ADD1: variants seen among roughly 807,000 people sequenced by gnomAD.
The protein encoded by ADD1 is alpha-adducin.
In ADD1, 24 loss-of-function variants were observed where a neutral mutation model predicts 80.5. The observed-to-expected ratio is 0.30, with a 90% confidence interval of 0.22 to 0.42. ADD1 has a LOEUF of 0.42. Ranked by LOEUF, ADD1 falls within the 10% of genes least tolerant of loss-of-function variation. ADD1 has a pLI of 1.00. For missense variants in ADD1, 948 were observed against 1,019.0 expected (o/e 0.93, Z 0.95); for synonymous variants, 373 against 393.8 (o/e 0.95, Z 0.63).
chr4:2,909,306 G>C, intron 12 of ADD1, 33 bp from the exon 13 acceptor site: 1 of 1,512,328 alleles, frequency 6.6e-7, no homozygotes, highest in Non-Finnish European at 9.0e-7. Flanking sequence ...GGCTGGGCCT[G>C]GTGTGCTCTG....
intron 10 of ADD1, 45 bp from the exon 11 acceptor site, chr4:2,907,698 A>G: frequency 6.7e-7 from 1 of 1,487,486 alleles, no homozygotes; most frequent in Non-Finnish European, 9.4e-7. Flanking sequence ...TATGTCACTT[A>G]TTGTTGTCAT....
At chr4:2,894,994 C>T (rs1315314867) in intron 6 of ADD1, among the ~76,000 whole-genome samples, 1 of 152,080 alleles carries the variant, frequency 6.6e-6, no homozygotes, top group Non-Finnish European at 1.5e-5. Context: ...GGCATGGTGG[C>T]TCATGCCTGT....
At chr4:2,866,071 T>C (rs938161467) in intron 1 of ADD1, among the ~76,000 whole-genome samples, 3 of 152,270 alleles carry the variant, frequency 2.0e-5, no homozygotes, top group Non-Finnish European at 4.4e-5. Context: ...CCTGAAATCT[T>C]AACTGCAGTC....
chr4:2,873,058 A>G (rs1009854473), intron 1 of ADD1, among the ~76,000 whole-genome samples: 1 of 151,678 alleles, frequency 6.6e-6, no homozygotes, highest in Non-Finnish European at 1.5e-5. Flanking sequence ...CAGCGGCATG[A>G]CTCAGCTCAC....
chr4:2,894,505 T>C, intron 5 of ADD1, 77 bp from the exon 6 acceptor site: 1 of 1,179,768 alleles, frequency 8.5e-7, no homozygotes. Context: ...AGCCAGACCC[T>C]ATCAAAAAAA....
chr4:2,924,926 G>T (rs959948285), intron 14 of ADD1, among the ~76,000 whole-genome samples: 1 of 152,168 alleles, frequency 6.6e-6, no homozygotes, highest in Non-Finnish European at 1.5e-5. Flanking sequence ...GAGTAACCTG[G>T]ATTGTTTTTA....
chr4:2,860,161 G>T (rs1260638861), intron 1 of ADD1, among the ~76,000 whole-genome samples: 1 of 152,064 alleles, frequency 6.6e-6, no homozygotes, highest in African/African-American at 2.4e-5. Context: ...ACTTCCCTGA[G>T]GTCTAGAAAT....
chr4:2,895,618 A>G (rs1033894312), intron 6 of ADD1, among the ~76,000 whole-genome samples: 1 of 152,138 alleles, frequency 6.6e-6, no homozygotes, highest in African/African-American at 2.4e-5. Flanking sequence ...GAGAGGAGAC[A>G]CAGGCAGTGC....
rs1729439233 is a variant in ADD1, at chr4:2,865,649, C to T, written c.-20-10247C>T. Among the ~76,000 whole-genome samples the T allele has an allele frequency of 2.0e-5, 3 of 152,156 alleles. No homozygotes were observed. In the South Asian group the frequency reaches 6.2e-4, roughly 32 times the overall value. On this transcript the variant is annotated intron_variant, in intron 1 of 15. Transcript: ENST00000683351. ...TTTTTGTGGTCAGTATTTTAATCTC[C>T]CTTATCTACAATCCTGCCAAACTTC...
In ADD1 at chr4:2,904,965, G is replaced by C. The variant is rs766527995; in HGVS notation, c.1363G>C (p.Glu455Gln). 2.5e-6 allele frequency: 4 copies of C among 1,614,066 alleles called. No homozygotes were observed. The African/African-American group carries it at 4.0e-5, about 16-fold the overall frequency. Residue 455 changes from glutamate to glutamine, a missense_variant, in exon 10 of 16, where the codon GAA becomes CAA. Glu to Gln is a conservative substitution (Grantham distance 29). Transcript: ENST00000683351. ...ATGGCTGAACTCTGGCCGGGGCGACGAAGCTTCCGAGGAAGGGCAGAATGG... is the reference window on the plus strand; with the variant it reads ...ATGGCTGAACTCTGGCCGGGGCGACCAAGCTTCCGAGGAAGGGCAGAATGG... ...TRWLNSGRGD[E>Q]ASEEGQNGSS...
intron 4 of ADD1, 94 bp from the exon 5 acceptor site, chr4:2,893,919 C>CA: frequency 8.8e-7 from 1 of 1,135,558 alleles, no homozygotes; most frequent in South Asian, 1.3e-5. Context: ...ATAGCTCACT[C>CA]AGTGTTCTGA....
Position 2,912,695 on chromosome 4 carries a change from T to C in ADD1, c.1792-2189T>C, listed in dbSNP as rs566406968. ...GTGCATGCCACCATGCTTGGCTAAT[T>C]TTTAAATTTTTTGTAGAGACAAGGT... On this transcript the variant is annotated intron_variant, in intron 13 of 15. Transcript: ENST00000683351. Among the ~76,000 whole-genome samples, 10 of 152,202 alleles carry C rather than the reference T, an allele frequency of 6.6e-5. No individual in the cohort carries two copies. In the East Asian group the frequency reaches 9.7e-4, roughly 15 times the overall value.
In ADD1 at chr4:2,894,744, C is replaced by T; in HGVS notation, c.741+13C>T. 2 of 1,587,186 alleles carry T rather than the reference C, an allele frequency of 1.3e-6. No individual in the cohort carries two copies. Among genetic ancestry groups the T allele is most frequent in the South Asian group, 1.2e-5 (1 of 86,468 alleles). ...AGCAGGGGCTGCGGTGAGTGGCTGC[C>T]CTGGTAGCATCTCAAGGTCTAAAGC... On this transcript the variant is annotated intron_variant, in intron 6 of 15. Transcript: ENST00000683351.
At chr4:2,857,966 A>G (rs1277995990) in intron 1 of ADD1, among the ~76,000 whole-genome samples, 1 of 152,222 alleles carries the variant, frequency 6.6e-6, no homozygotes, top group African/African-American at 2.4e-5. Context: ...GTAATTTAAT[A>G]AGCATTTATT....
chr4:2,868,756 T>G (rs1219669641), intron 1 of ADD1, among the ~76,000 whole-genome samples: 5 of 152,122 alleles, frequency 3.3e-5, no homozygotes, highest in African/African-American at 1.2e-4. Context: ...CCGCATATGA[T>G]TTGGTCCTGT....
chr4:2,920,280 G>T (rs561996352), intron 14 of ADD1, among the ~76,000 whole-genome samples: 6 of 152,300 alleles, frequency 3.9e-5, no homozygotes, highest in African/African-American at 1.4e-4. Flanking sequence ...GAATAAGTGC[G>T]ATGTGGTGCT....
At chr4:2,851,844 T>C (rs1314233226) in intron 1 of ADD1, among the ~76,000 whole-genome samples, 3 of 152,094 alleles carry the variant, frequency 2.0e-5, no homozygotes, top group African/African-American at 7.2e-5. Flanking sequence ...TCAGTTTTTA[T>C]TCTTTTTTTT....
intron 4 of ADD1, among the ~76,000 whole-genome samples, chr4:2,892,028 C>T (rs1734375123): frequency 6.6e-6 from 1 of 152,156 alleles, no homozygotes; most frequent in Non-Finnish European, 1.5e-5. Context: ...TATGACAGTG[C>T]TTCAGCGCCC....
At chr4:2,910,879 C>T (rs903689952) in intron 13 of ADD1, among the ~76,000 whole-genome samples, 1 of 152,200 alleles carries the variant, frequency 6.6e-6, no homozygotes, top group African/African-American at 2.4e-5. Context: ...AGCTTGACCA[C>T]CTGGACAGAA....
Sources: gnomAD v4.1 joint callset for allele counts (sites outside exome capture counted in the v4.1 genomes callset) on GRCh38, gnomAD v4.1.1 for gene constraint, MANE v1.5 for transcripts, NCBI Gene and HGNC (gene_info 2026-07-23, HGNC 2026-07-21) for gene names.